RGS8: variants seen among roughly 807,000 people sequenced by gnomAD.
RGS8 encodes regulator of G-protein signaling 8.
In RGS8, 8 loss-of-function variants were observed where a neutral mutation model predicts 21.7. That is an observed-to-expected ratio of 0.37 (90% CI 0.22 to 0.66). The LOEUF is 0.66. Ranked by LOEUF, RGS8 falls within the 30% of genes least tolerant of loss-of-function variation. The probability of loss-of-function intolerance (pLI) is 0.59; values close to 1 mark genes in which losing one functional copy is unlikely to be tolerated. For missense variants in RGS8, 157 were observed against 217.9 expected (o/e 0.72, Z 1.76); for synonymous variants, 80 against 83.6 (o/e 0.96, Z 0.24).
the RGS8 span, among the ~76,000 whole-genome samples, chr1:182,742,113 A>G: frequency 6.8e-6 from 1 of 147,696 alleles, no homozygotes; most frequent in South Asian, 2.2e-4. Context: ...GCGGCGGGGC[A>G]GAGGTGCTCC....
intron 1 of RGS8, 81 bp from the exon 3 acceptor site, chr1:182,671,811 C>T: frequency 3.1e-6 from 5 of 1,607,536 alleles, no homozygotes; most frequent in Non-Finnish European, 4.3e-6. Context: ...CATAGGGGCA[C>T]ACACACACAT....
the RGS8 span, among the ~76,000 whole-genome samples, chr1:182,726,159 A>G: frequency 6.7e-6 from 1 of 148,790 alleles, no homozygotes; most frequent in African/African-American, 2.5e-5. Flanking sequence ...AAAGAATTTC[A>G]TTTGTGCCTA....
At chr1:182,672,962 G>A (rs926607012), upstream of RGS8, 3 of 1,012,388 alleles carry the variant, frequency 3.0e-6, no homozygotes, top group Admixed American at 5.2e-5. Context: ...CAAATGTTCA[G>A]GCCCCACCCC....
At chr1:182,735,880 T>C in the RGS8 span, among the ~76,000 whole-genome samples, 1 of 152,172 alleles carries the variant, frequency 6.6e-6, no homozygotes, top group Non-Finnish European at 1.5e-5. Flanking sequence ...GCAGGGCCTT[T>C]CTGCCCCCAA....
At chr1:182,686,855 G>T (rs986953358), upstream of RGS8, among the ~76,000 whole-genome samples, 8 of 152,110 alleles carry the variant, frequency 5.3e-5, no homozygotes, top group African/African-American at 1.9e-4. Context: ...ACATTTACAG[G>T]AGGAGCAGAG....
At chr1:182,663,924 G>A (rs990137716) in intron 5 of RGS8, among the ~76,000 whole-genome samples, 15 of 152,144 alleles carry the variant, frequency 9.9e-5, no homozygotes, top group Admixed American at 3.9e-4. Context: ...TCCTGCCTCA[G>A]CCTCTAAAAT....
chr1:182,664,567 T>C (rs1478421834), intron 5 of RGS8, among the ~76,000 whole-genome samples: 4 of 152,190 alleles, frequency 2.6e-5, no homozygotes, highest in Non-Finnish European at 4.4e-5. Context: ...TTTAGCCTAA[T>C]GTGACTCCAG....
the RGS8 span, among the ~76,000 whole-genome samples, chr1:182,708,453 A>G: frequency 2.0e-5 from 3 of 152,210 alleles, no homozygotes; most frequent in Non-Finnish European, 4.4e-5. Flanking sequence ...CTACAGAGGC[A>G]CACCTGGGCT....
chr1:182,648,297 A>G (rs755810045), exon 6 of RGS8: 1 of 1,613,038 alleles, frequency 6.2e-7, no homozygotes, highest in East Asian at 2.2e-5. Context: ...GAATGCAGCC[A>G]CCCCATCTGC....
At chr1:182,733,951 C>G in the RGS8 span, 1 of 151,714 alleles carries the variant, frequency 6.6e-6, no homozygotes, top group Non-Finnish European at 1.5e-5. Flanking sequence ...GATGGAGTCT[C>G]GCTTAGTTGC....
At chr1:182,668,058 A>G (rs961977277) in intron 3 of RGS8, among the ~76,000 whole-genome samples, 13 of 152,340 alleles carry the variant, frequency 8.5e-5, no homozygotes, top group Admixed American at 7.2e-4. Flanking sequence ...ATAAAACTTT[A>G]TTGGAACACA....
At chr1:182,750,321 C>A in the RGS8 span, among the ~76,000 whole-genome samples, 1 of 152,166 alleles carries the variant, frequency 6.6e-6, no homozygotes, top group African/African-American at 2.4e-5. Flanking sequence ...AGGCTCTGTG[C>A]AGACCAACAC....
At chr1:182,674,903 G>A (rs1225724984), upstream of RGS8, among the ~76,000 whole-genome samples, 1 of 152,152 alleles carries the variant, frequency 6.6e-6, no homozygotes, top group East Asian at 1.9e-4. Context: ...CCTCTGGGCT[G>A]TCCTGCCCGC....
the RGS8 span, among the ~76,000 whole-genome samples, chr1:182,746,658 A>G: frequency 6.6e-6 from 1 of 151,926 alleles, no homozygotes; most frequent in South Asian, 2.1e-4. Flanking sequence ...TCAAAAAAAG[A>G]AAGAAAGAAA....
chr1:182,732,026 C>G, the RGS8 span, among the ~76,000 whole-genome samples: 1 of 152,094 alleles, frequency 6.6e-6, no homozygotes, highest in Non-Finnish European at 1.5e-5. Context: ...AGTGTTGGGA[C>G]TAGGACTAGG....
At chr1:182,651,943 A>T (rs1349013409) in intron 5 of RGS8, among the ~76,000 whole-genome samples, 1 of 152,208 alleles carries the variant, frequency 6.6e-6, no homozygotes, top group Non-Finnish European at 1.5e-5. Flanking sequence ...CCAGTCCACG[A>T]TTTCACTATC....
the RGS8 span, among the ~76,000 whole-genome samples, chr1:182,730,093 A>C: frequency 6.6e-6 from 1 of 152,234 alleles, no homozygotes; most frequent in African/African-American, 2.4e-5. Flanking sequence ...GCAAATGGCA[A>C]GTCCAAGAAG....
exon 6 of RGS8, chr1:182,648,297 A>C (rs755810045): frequency 6.2e-7 from 1 of 1,613,038 alleles, no homozygotes; most frequent in South Asian, 1.1e-5. Flanking sequence ...GAATGCAGCC[A>C]CCCCATCTGC....
chr1:182,729,898 G>A, the RGS8 span, among the ~76,000 whole-genome samples: 4 of 152,098 alleles, frequency 2.6e-5, no homozygotes, highest in African/African-American at 9.7e-5. Context: ...CACTTCCTTA[G>A]GGCACATATG....
Sources: gnomAD v4.1 joint callset for allele counts (sites outside exome capture counted in the v4.1 genomes callset) on GRCh38, gnomAD v4.1.1 for gene constraint, MANE v1.5 for transcripts, NCBI Gene and HGNC (gene_info 2026-07-23, HGNC 2026-07-21) for gene names.